Variants in LIPI observed in about 807,000 individuals in gnomAD.
LIPI encodes lipase I.
LIPI carries 59 observed loss-of-function variants against 50.6 expected under a neutral mutation model. The ratio of observed to expected loss-of-function variants is 1.16; its 90% CI spans 0.94 to 1.45. The LOEUF is 1.45. LIPI is among the 40% of genes most tolerant of loss of function. The probability of loss-of-function intolerance (pLI) is 0.00; values close to 1 mark genes in which losing one functional copy is unlikely to be tolerated. For missense variants in LIPI, 586 were observed against 536.3 expected, an observed-to-expected ratio of 1.09 and a Z score of -0.92; for synonymous variants, 203 against 178.2, an observed-to-expected ratio of 1.14 and a Z score of -1.11.
At chr21:14,110,390 A>T (rs1208560997) in intron 9 of LIPI, among the ~76,000 whole-genome samples, 1 of 151,792 alleles carries the variant, frequency 6.6e-6, no homozygotes, top group Admixed American at 6.6e-5. Flanking sequence ...TGTATTCATT[A>T]TGTACATGGT....
chr21:14,114,996 G>A (rs550055089), intron 9 of LIPI, among the ~76,000 whole-genome samples: 1 of 152,286 alleles, frequency 6.6e-6, no homozygotes, highest in South Asian at 2.1e-4. Context: ...AGACCAGCCT[G>A]ACCAACATGG....
intron 8 of LIPI, among the ~76,000 whole-genome samples, chr21:14,148,496 C>T (rs1378109619): frequency 6.6e-6 from 1 of 152,122 alleles, no homozygotes; most frequent in Non-Finnish European, 1.5e-5. Context: ...AATTATGACA[C>T]TATATTTTCA....
intron 9 of LIPI, among the ~76,000 whole-genome samples, chr21:14,119,020 GC>G (rs1234026744): frequency 6.6e-6 from 1 of 152,202 alleles, no homozygotes; most frequent in Non-Finnish European, 1.5e-5. Context: ...TGTACGCTAT[GC>G]TTGCACAAAT....
Position 14,165,396 on chromosome 21 carries a change from G to A in LIPI, c.734-6C>T. On this transcript the variant is annotated splice_polypyrimidine_tract_variant and splice_region_variant and intron_variant, in intron 5 of 9. Transcript: ENST00000681601. The stretch of plus-strand genomic sequence containing the variant: ...GCATTTAATGAATTGAATTCCTTAA[G>A]GGTTAAAAAAAAAACAAAGAACTGT... 1 of 1,598,218 alleles carries A rather than the reference G, an allele frequency of 6.3e-7. No individual in the cohort carries two copies. The highest frequency in any genetic ancestry group is 8.6e-7 in the Non-Finnish European group (1 of 1,168,184).
intron 4 of LIPI, among the ~76,000 whole-genome samples, chr21:14,176,073 G>T (rs1600901028): frequency 1.3e-5 from 2 of 151,820 alleles, no homozygotes; most frequent in Admixed American, 1.3e-4. Context: ...AGCTACTCGG[G>T]AGGCTGAGGC....
chr21:14,140,025 G>T (rs1055384003), intron 9 of LIPI, among the ~76,000 whole-genome samples: 2 of 152,168 alleles, frequency 1.3e-5, no homozygotes, highest in African/African-American at 4.8e-5. Flanking sequence ...TTTATATGAA[G>T]TGTGAAGGCA....
chr21:14,169,052 G>A (rs1049367004), intron 4 of LIPI, among the ~76,000 whole-genome samples: 8 of 152,000 alleles, frequency 5.3e-5, no homozygotes, highest in African/African-American at 1.5e-4. Flanking sequence ...AAAAAGGCAG[G>A]GGTTGCAATC....
intron 8 of LIPI, 54 bp downstream of exon 8, chr21:14,152,519 T>A (rs1287916393): frequency 3.5e-6 from 3 of 863,564 alleles, no homozygotes; most frequent in Admixed American, 1.9e-5. Flanking sequence ...GATGGGATAC[T>A]GAAGAAAGCA....
chr21:14,140,033 G>C (rs1283342966), intron 9 of LIPI, among the ~76,000 whole-genome samples: 2 of 152,100 alleles, frequency 1.3e-5, no homozygotes, highest in Non-Finnish European at 2.9e-5. Context: ...AAGTGTGAAG[G>C]CAAGACTTTT....
At chr21:14,149,495 C>T (rs1383562824) in intron 8 of LIPI, among the ~76,000 whole-genome samples, 1 of 152,162 alleles carries the variant, frequency 6.6e-6, no homozygotes, top group Non-Finnish European at 1.5e-5. Context: ...GCCCTTCCAA[C>T]AGTCCCCCAA....
At position 14,125,237 on chromosome 21, in the gene LIPI, C is replaced by T. The variant is rs574877155; in HGVS notation, c.1296-16157G>A. 1.4e-3 allele frequency among the ~76,000 whole-genome samples: 218 copies of T among 152,204 alleles called. 1 individual carries two copies. The highest frequency in any genetic ancestry group is 5.0e-3 in the African/African-American group (207 of 41,538). On this transcript the variant is annotated intron_variant, in intron 9 of 9. Transcript: ENST00000681601. Reference sequence around the variant, plus strand: ...CTGTGGGTAAATAAATAAGCTTTTACTTAATTATTTATATCTCTTTAATAG... The same window carrying T: ...CTGTGGGTAAATAAATAAGCTTTTATTTAATTATTTATATCTCTTTAATAG...
intron 9 of LIPI, 26 bp downstream of exon 9, chr21:14,144,597 T>C: frequency 7.8e-7 from 1 of 1,283,056 alleles, no homozygotes; most frequent in Non-Finnish European, 1.1e-6. Flanking sequence ...AGATAACATG[T>C]TGAAATCAAA....
At chr21:14,159,300 C>T (rs2123124323) in intron 7 of LIPI, among the ~76,000 whole-genome samples, 1 of 151,458 alleles carries the variant, frequency 6.6e-6, no homozygotes, top group Admixed American at 6.6e-5. Flanking sequence ...AAAATACGCA[C>T]TAAGCCCAAG....
chr21:14,163,463 C>T lies in LIPI; in HGVS notation c.962G>A (p.Arg321Lys). 6.3e-7 allele frequency: 1 copy of T among 1,586,884 alleles called. No homozygotes were observed. Among genetic ancestry groups the T allele is most frequent in the East Asian group, 2.2e-5 (1 of 44,612 alleles). ...LKERMEGRPL[R>K]TTVFLDTSGT... Reference sequence around the variant, plus strand: ...ACTTGTATCCAAAAACACAGTGGTCCTAAGAGGTCTTCCTTCCATCCTTTC... The same window carrying T: ...ACTTGTATCCAAAAACACAGTGGTCTTAAGAGGTCTTCCTTCCATCCTTTC... The change falls in exon 7 of 10, where the codon AGG becomes AAG. Residue 321 changes from arginine (R) to lysine (K), a missense_variant. Arg to Lys is a conservative substitution (Grantham distance 26, BLOSUM62 2). Coordinates refer to ENST00000681601, the MANE Select transcript of LIPI (RefSeq NM_001302998.2).
At chr21:14,186,953 G>T (rs569936402) in intron 2 of LIPI, among the ~76,000 whole-genome samples, 3 of 152,196 alleles carry the variant, frequency 2.0e-5, no homozygotes, top group African/African-American at 7.2e-5. Context: ...ATGGTATTTT[G>T]TTACAGCAGC....
chr21:14,174,566 T>A (rs2019028919), intron 4 of LIPI, among the ~76,000 whole-genome samples: 1 of 152,002 alleles, frequency 6.6e-6, no homozygotes, highest in African/African-American at 2.4e-5. Flanking sequence ...TTTATTTTAT[T>A]TTTTAGAAAT....
At chr21:14,194,910 T>A (rs185769974) in intron 1 of LIPI, among the ~76,000 whole-genome samples, 79 of 152,296 alleles carry the variant, frequency 5.2e-4, no homozygotes, top group Admixed American at 1.0e-3. Context: ...TTTGCCTTAC[T>A]GCTGTAAACA....
chr21:14,109,732 G>A (rs533313464), intron 9 of LIPI, among the ~76,000 whole-genome samples: 1 of 151,832 alleles, frequency 6.6e-6, no homozygotes, highest in African/African-American at 2.4e-5. Context: ...ACATATTTTT[G>A]CAAATATCCT....
intron 9 of LIPI, among the ~76,000 whole-genome samples, chr21:14,116,798 G>A (rs1243883427): frequency 6.6e-6 from 1 of 152,122 alleles, no homozygotes; most frequent in Non-Finnish European, 1.5e-5. Context: ...AGACTCTAGT[G>A]GCTCGAACAA....
Sources: gnomAD v4.1 joint callset for allele counts (sites outside exome capture counted in the v4.1 genomes callset) on GRCh38, gnomAD v4.1.1 for gene constraint, MANE v1.5 for transcripts, NCBI Gene and HGNC (gene_info 2026-07-23, HGNC 2026-07-21) for gene names.